DOCK3: variants seen among roughly 807,000 people sequenced by gnomAD.
DOCK3 encodes the protein dedicator of cytokinesis 3.
Under a neutral mutation model 265.6 loss-of-function variants are expected in DOCK3, and 60 were observed. That is an observed-to-expected ratio of 0.23 (90% CI 0.18 to 0.28). DOCK3 has a LOEUF of 0.28. Ranked by LOEUF, DOCK3 falls within the 10% of genes least tolerant of loss-of-function variation. The probability of loss-of-function intolerance (pLI) is 1.00; values close to 1 mark genes in which losing one functional copy is unlikely to be tolerated. For missense variants in DOCK3, 1,981 were observed against 2,594.3 expected (o/e 0.76, Z 5.14); for synonymous variants, 881 against 938.0 (o/e 0.94, Z 1.11).
chr3:51,245,600 C>T (rs2078801912), intron 21 of DOCK3, among the ~76,000 whole-genome samples: 1 of 151,908 alleles, frequency 6.6e-6, no homozygotes. Context: ...ACTATGTTGG[C>T]CAGACTGGTC....
At chr3:50,831,248 A>T (rs962272481) in intron 2 of DOCK3, among the ~76,000 whole-genome samples, 8 of 147,822 alleles carry the variant, frequency 5.4e-5, no homozygotes, top group Non-Finnish European at 1.2e-4. Flanking sequence ...TTTATTTTTT[A>T]AAATTATACT....
At chr3:51,296,607 G>T (rs1247908214) in intron 27 of DOCK3, among the ~76,000 whole-genome samples, 1 of 151,632 alleles carries the variant, frequency 6.6e-6, no homozygotes, top group African/African-American at 2.4e-5. Flanking sequence ...CTCTTGAGTA[G>T]CTGGGACTAC....
intron 1 of DOCK3, among the ~76,000 whole-genome samples, chr3:50,706,896 A>G (rs1420733114): frequency 1.3e-5 from 2 of 152,096 alleles, no homozygotes; most frequent in Non-Finnish European, 2.9e-5. Context: ...TATTGGAGGT[A>G]GGGCCTGATA....
intron 20 of DOCK3, 48 bp from the exon 21 acceptor site, chr3:51,237,442 T>C: frequency 6.6e-7 from 1 of 1,508,700 alleles, no homozygotes. Flanking sequence ...TGGGGATAGA[T>C]CTGAGGCCTC....
chr3:51,205,559 C>T (rs1005375004), intron 12 of DOCK3, among the ~76,000 whole-genome samples: 11 of 151,324 alleles, frequency 7.3e-5, no homozygotes, highest in Middle Eastern at 6.8e-3. Flanking sequence ...AAAATTAGCT[C>T]GGCATGGTGG....
At chr3:51,304,861 G>T (rs1400364415) in intron 27 of DOCK3, among the ~76,000 whole-genome samples, 2 of 152,178 alleles carry the variant, frequency 1.3e-5, no homozygotes, top group Non-Finnish European at 2.9e-5. Context: ...CACCGTTTTG[G>T]TTCTTCTCTG....
intron 35 of DOCK3, 123 bp downstream of exon 35, chr3:51,333,376 G>A: frequency 1.0e-6 from 1 of 986,288 alleles, no homozygotes; most frequent in South Asian, 1.4e-5. Context: ...GTGATATTGG[G>A]TGCCATCACC....
At chr3:51,362,445 G>A in intron 48 of DOCK3, 82 bp from the exon 49 acceptor site, 2 of 1,564,088 alleles carry the variant, frequency 1.3e-6, no homozygotes, top group Non-Finnish European at 1.7e-6. Flanking sequence ...AACACCTCAG[G>A]GCATGAAAAA....
chr3:51,068,560 A>AAAATAAG (rs529031027), intron 6 of DOCK3, among the ~76,000 whole-genome samples: 1 of 82,460 alleles, frequency 1.2e-5, no homozygotes, highest in Non-Finnish European at 2.2e-5. Context: ...AAAAAAAAAA[A>AAAATAAG]AAGAAGAAGA....
intron 5 of DOCK3, among the ~76,000 whole-genome samples, chr3:51,004,711 T>A (rs2078612219): frequency 9.3e-6 from 1 of 107,962 alleles, no homozygotes; most frequent in Non-Finnish European, 1.8e-5. Flanking sequence ...AGAAGAGATT[T>A]AAGTTTTTTT....
chr3:51,278,577 G>C, intron 26 of DOCK3: 1 of 982,736 alleles, frequency 1.0e-6, no homozygotes, highest in Non-Finnish European at 1.2e-6. Flanking sequence ...GCTCCTTTAG[G>C]AGCCTCTGTT....
intron 2 of DOCK3, among the ~76,000 whole-genome samples, chr3:50,805,183 A>G (rs1408752290): frequency 2.0e-5 from 3 of 152,088 alleles, no homozygotes; most frequent in African/African-American, 2.4e-5. Context: ...TCTTATTTGC[A>G]TGAGTCTTGG....
At chr3:50,895,327 G>C (rs1409937291) in intron 4 of DOCK3, among the ~76,000 whole-genome samples, 2 of 150,942 alleles carry the variant, frequency 1.3e-5, no homozygotes, top group Non-Finnish European at 2.9e-5. Flanking sequence ...TGCCATGGTG[G>C]TTTGCTGCAC....
intron 6 of DOCK3, among the ~76,000 whole-genome samples, chr3:51,066,649 A>G (rs2081600900): frequency 6.6e-6 from 1 of 152,160 alleles, no homozygotes; most frequent in African/African-American, 2.4e-5. Context: ...CCCCTTCTTA[A>G]GAAGGGACTT....
intron 1 of DOCK3, among the ~76,000 whole-genome samples, chr3:50,762,470 C>T (rs144122175): frequency 4.6e-5 from 7 of 151,980 alleles, no homozygotes; most frequent in East Asian, 3.9e-4. Context: ...TCATTGTGCA[C>T]GTCTGAAATT....
Position 51,362,545 on chromosome 3 carries a change from A to G in DOCK3, c.5164A>G (p.Arg1722Gly). The change falls in exon 49 of 53, where the codon AGG becomes GGG. Residue 1722 changes from arginine to glycine, a missense_variant. Physicochemically the swap from Arg to Gly is moderately radical, Grantham distance 125. Coordinates refer to ENST00000266037, the MANE Select transcript of DOCK3 (RefSeq NM_004947.5). ...TTTGCAGCTCGCGTATCCCAACCCCAGGTACCAAGGCTCAGTCACCAACGT... is the reference window on the plus strand; with the variant it reads ...TTTGCAGCTCGCGTATCCCAACCCCGGGTACCAAGGCTCAGTCACCAACGT... The part of the protein sequence containing the change: ...HHMQLAYPNP[R>G]YQGSVTNVSV... 2.5e-6 allele frequency: 4 copies of G among 1,613,924 alleles called. No homozygotes were observed. Among genetic ancestry groups the G allele is most frequent in the Non-Finnish European group, 3.4e-6 (4 of 1,179,868 alleles).
chr3:50,719,838 C>A, intron 1 of DOCK3: 1 of 740,678 alleles, frequency 1.4e-6, no homozygotes, highest in South Asian at 1.4e-5. Flanking sequence ...ACACTTATAA[C>A]CAAATGCATT....
chr3:50,860,087 C>T (rs1408532491), intron 3 of DOCK3, among the ~76,000 whole-genome samples: 1 of 152,130 alleles, frequency 6.6e-6, no homozygotes, highest in Admixed American at 6.5e-5. Context: ...TTGCTCAGTG[C>T]AGTCAGTCCA....
intron 32 of DOCK3, among the ~76,000 whole-genome samples, chr3:51,316,227 A>G (rs972091656): frequency 2.0e-5 from 3 of 152,192 alleles, no homozygotes; most frequent in African/African-American, 7.2e-5. Context: ...AGACTGTCAT[A>G]TAAATGGAAT....
Sources: allele counts gnomAD v4.1 joint callset (sites outside exome capture counted in the v4.1 genomes callset), GRCh38; gene constraint gnomAD v4.1.1; transcripts MANE v1.5; gene names NCBI Gene and HGNC (gene_info 2026-07-23, HGNC 2026-07-21).